Variants in UNC5A observed in about 807,000 individuals in gnomAD.
The protein encoded by UNC5A is unc-5 netrin receptor A.
In UNC5A, 20 loss-of-function variants were observed where a neutral mutation model predicts 87.4. The observed-to-expected ratio is 0.23, with a 90% CI of 0.16 to 0.33. The LOEUF (loss-of-function observed/expected upper bound fraction) is 0.33, where lower values mean the gene tolerates loss of function less well. Among genes scored for constraint, UNC5A ranks in the 10% least tolerant of loss-of-function variants. The pLI is 1.00. For missense variants in UNC5A, 844 were observed against 1,133.4 expected, an observed-to-expected ratio of 0.74 and a Z score of 3.67; for synonymous variants, 438 against 482.3, an observed-to-expected ratio of 0.91 and a Z score of 1.20.
In UNC5A at chr5:176,880,156, CTG is replaced by C. The variant is rs1341550289; in HGVS notation, c.*280_*281del. Reference sequence around the variant, plus strand: ...GGAGCCTGGGCCAGGCCCAGCCCATCTGTGTGTGTGTATGTGCGTGTGATGCT... The same window carrying C: ...GGAGCCTGGGCCAGGCCCAGCCCATCTGTGTGTGTATGTGCGTGTGATGCT... On this transcript the variant is annotated 3_prime_UTR_variant, in exon 15 of 15. Coordinates refer to ENST00000329542, the MANE Select transcript of UNC5A (RefSeq NM_133369.3). The C allele has an allele frequency of 1.1e-4, 51 of 480,510 alleles. No individual in the cohort carries two copies. Among genetic ancestry groups the C allele is most frequent in the Middle Eastern group, 5.7e-4 (1 of 1,754 alleles). The allele number at this position is 480,510 out of a possible 1,614,324, so 29.8% of individuals were successfully genotyped here.
intron 1 of UNC5A, among the ~76,000 whole-genome samples, chr5:176,840,338 AG>A (rs1183429504): frequency 2.6e-5 from 4 of 152,146 alleles, no homozygotes; most frequent in Middle Eastern, 3.4e-3. Flanking sequence ...GCCCGCTGTG[AG>A]GGTGCAGGGA....
intron 1 of UNC5A, among the ~76,000 whole-genome samples, chr5:176,820,391 C>G (rs181414715): frequency 6.2e-4 from 93 of 150,740 alleles, no homozygotes; most frequent in Admixed American, 1.6e-3. Context: ...AGTGAGACTC[C>G]GTCTCAAAAA....
Position 176,868,829 on chromosome 5 carries a change from C to T in UNC5A, c.586C>T (p.Pro196Ser). ...NEDLVDPSLD[P>S]NVYITREHSL... ...GGACCTGGTGGACCCGTCCCTGGAC[C>T]CCAATGTATACATCACGCGGGAGCA... is the stretch of plus-strand genomic sequence containing the variant. Residue 196 changes from proline to serine, a missense_variant, in exon 5 of 15, where the codon CCC becomes TCC. By Grantham distance (74) the Pro-to-Ser change is moderately conservative (BLOSUM62 -1). This residue lies in a region of UNC5A where 314 missense variants were observed against 466.5 expected (regional missense o/e 0.67). Coordinates refer to ENST00000329542, the MANE Select transcript of UNC5A (RefSeq NM_133369.3). The T allele has an allele frequency of 1.2e-6, 2 of 1,610,358 alleles. No homozygotes were observed. Among genetic ancestry groups the T allele is most frequent in the Non-Finnish European group, 1.7e-6 (2 of 1,177,820 alleles).
In UNC5A at chr5:176,841,662, C is replaced by G. The variant is rs1757279550; in HGVS notation, c.71-20962C>G. Among the ~76,000 whole-genome samples the G allele has an allele frequency of 6.6e-6, 1 of 152,152 alleles. No homozygotes were observed. Among genetic ancestry groups the G allele is most frequent in the African/African-American group, 2.4e-5 (1 of 41,406 alleles). Reference sequence around the variant, plus strand: ...ATTAAACATGTGCTTACCATATGCCCCAGCAATCCCTCTCTCTAGAGAAGT... The same window carrying G: ...ATTAAACATGTGCTTACCATATGCCGCAGCAATCCCTCTCTCTAGAGAAGT... On this transcript the variant is annotated intron_variant, in intron 1 of 14. Transcript: ENST00000329542. This position sits in a 1 kb window ranked among gnomAD's most constrained non-coding sequence, Gnocchi z 4.1.
intron 1 of UNC5A, 100 bp from the exon 2 acceptor site, chr5:176,862,524 C>G: frequency 9.0e-7 from 1 of 1,114,634 alleles, no homozygotes; most frequent in South Asian, 1.3e-5. Flanking sequence ...TCACTCTCCT[C>G]CCATCTGCCC....
At chr5:176,819,925 A>G (rs1330301122) in intron 1 of UNC5A, among the ~76,000 whole-genome samples, 2 of 152,238 alleles carry the variant, frequency 1.3e-5, no homozygotes, top group Non-Finnish European at 2.9e-5. Flanking sequence ...TCAGAAGTAA[A>G]GCGGGATCTG....
chr5:176,877,532 G>A lies in UNC5A; in HGVS notation c.1467-3G>A. ...CCTCCCCACCCATATTTCCCCACTT[G>A]AGGTTGCCCCTAGCTGGCTGTCAGA... On this transcript the variant is annotated splice_polypyrimidine_tract_variant and splice_region_variant and intron_variant, in intron 9 of 14. Transcript: ENST00000329542. The A allele has an allele frequency of 6.3e-6, 10 of 1,585,186 alleles. No homozygotes were observed. The highest frequency in any genetic ancestry group is 8.6e-6 in the Non-Finnish European group (10 of 1,162,176).
chr5:176,880,288 A>AT lies in UNC5A; in HGVS notation c.*403dup, dbSNP rs1325836111. 6.1e-6 allele frequency: 1 copy of AT among 163,834 alleles called. No homozygotes were observed. The highest frequency in any genetic ancestry group is 1.3e-5 in the Non-Finnish European group (1 of 75,594). 10.1% of individuals were successfully genotyped at this position (163,834 alleles called of 1,614,324 possible). On this transcript the variant is annotated 3_prime_UTR_variant, in exon 15 of 15. Coordinates refer to ENST00000329542, the MANE Select transcript of UNC5A (RefSeq NM_133369.3). ...AGAGCTCCTGCCTGAGCTGGACCTT[A>AT]TGCAAACATTTCTGTGCCTGCTGGG...
At chr5:176,818,426 G>C (rs1756647883) in intron 1 of UNC5A, among the ~76,000 whole-genome samples, 2 of 152,254 alleles carry the variant, frequency 1.3e-5, no homozygotes, top group Non-Finnish European at 2.9e-5. Flanking sequence ...GCGGGAAGAG[G>C]AGGAGCCCCT....
intron 1 of UNC5A, among the ~76,000 whole-genome samples, chr5:176,859,016 G>A (rs570528999): frequency 6.6e-6 from 1 of 152,340 alleles, no homozygotes; most frequent in East Asian, 1.9e-4. Context: ...GACTGCCCAG[G>A]AAGATTCCTG....
chr5:176,878,202 G>T, intron 11 of UNC5A, 42 bp from the exon 12 acceptor site: 1 of 1,603,552 alleles, frequency 6.2e-7, no homozygotes, highest in Non-Finnish European at 8.5e-7. Context: ...TGCCTTGGGC[G>T]CAGTGGGGAG....
chr5:176,880,006 G>T lies in UNC5A; in HGVS notation c.*120G>T. ...AGCTGCTCGGACAGGCCCCCTCCCG[G>T]CCGAAGCTGTCCCTTAATGCTGGTC... On this transcript the variant is annotated 3_prime_UTR_variant, in exon 15 of 15. Transcript: ENST00000329542. The T allele has an allele frequency of 7.5e-7, 1 of 1,329,298 alleles. No homozygotes were observed. The highest frequency in any genetic ancestry group is 2.6e-5 in the Admixed American group (1 of 38,548). The allele number at this position is 1,329,298 out of a possible 1,614,324, so 82.3% of individuals were successfully genotyped here.
In UNC5A at chr5:176,854,670, C is replaced by G. The variant is rs148214745; in HGVS notation, c.71-7954C>G. On this transcript the variant is annotated intron_variant, in intron 1 of 14. Transcript: ENST00000329542. ...TCCCAGCCAGATTTGAGTTTCCCTC[C>G]TCCACTTCTAGCCCTTCGTTCCTGG... Among the ~76,000 whole-genome samples the G allele has an allele frequency of 6.1e-3, 926 of 152,356 alleles. 11 individuals carry two copies. Among genetic ancestry groups the G allele is most frequent in the African/African-American group, 0.021 (871 of 41,578 alleles).
chr5:176,826,734 G>A (rs988944260), intron 1 of UNC5A, among the ~76,000 whole-genome samples: 8 of 149,118 alleles, frequency 5.4e-5, no homozygotes, highest in East Asian at 4.0e-4. Flanking sequence ...TCCATCTCCC[G>A]GGTTCACGCC....
In UNC5A at chr5:176,841,158, A is replaced by G. The variant is rs575765758; in HGVS notation, c.71-21466A>G. On this transcript the variant is annotated intron_variant, in intron 1 of 14. Transcript: ENST00000329542. This position sits in a 1 kb window ranked among gnomAD's most constrained non-coding sequence, Gnocchi z 4.1. ...TGTAAGGTCAGGGGGTCAGGACCAC[A>G]TGGTAATGATCACGAGCTAAAGTTG... is the stretch of plus-strand genomic sequence containing the variant. 5.1e-4 allele frequency among the ~76,000 whole-genome samples: 77 copies of G among 152,360 alleles called. 1 individual carries two copies. The Middle Eastern group carries it at 0.017, about 34-fold the overall frequency.
In UNC5A at chr5:176,874,216, G is replaced by T; in HGVS notation, c.1076-48G>T. On this transcript the variant is annotated intron_variant, in intron 7 of 14. Transcript: ENST00000329542. The surrounding 1 kb of genome is among the most constrained non-coding windows in gnomAD (Gnocchi z 7.6). ...AGCTCCCACGCCAAGGGCTGCTGGG[G>T]CAGGGATGCCCTAGGTGCCATTGCC... 6.3e-7 allele frequency: 1 copy of T among 1,594,674 alleles called. No homozygotes were observed. Among genetic ancestry groups the T allele is most frequent in the Non-Finnish European group, 8.6e-7 (1 of 1,168,174 alleles).
rs70991576 is a variant in UNC5A at position 176,829,881 on chromosome 5, C to CTTTT, written c.70+19069_70+19072dup. ...CCCTCTCACTTCCACATCACTGCTC[C>CTTTT]TTTTTTTTTTTGAGATGGAATCTTG... On this transcript the variant is annotated intron_variant, in intron 1 of 14. Coordinates refer to ENST00000329542, the MANE Select transcript of UNC5A (RefSeq NM_133369.3). 4.6e-5 allele frequency among the ~76,000 whole-genome samples: 4 copies of CTTTT among 87,320 alleles called. 1 individual carries two copies. The highest frequency in any genetic ancestry group is 5.1e-4 in the South Asian group (1 of 1,944). The allele number at this position is 87,320 out of a possible 152,430, so 57.3% of individuals were successfully genotyped here. A position where few individuals can be genotyped will look rare whatever the true frequency, so the allele number is the denominator to read the frequency against.
At chr5:176,819,611 AG>A (rs1756679960) in intron 1 of UNC5A, among the ~76,000 whole-genome samples, 1 of 152,150 alleles carries the variant, frequency 6.6e-6, no homozygotes. Context: ...CGCACGGGAT[AG>A]GGGAGAAGAG....
chr5:176,859,098 AGAATGTCCTTGCTAGAGGGCATGGCTG>A (rs1757755053), intron 1 of UNC5A, among the ~76,000 whole-genome samples: 1 of 143,402 alleles, frequency 7.0e-6, no homozygotes, highest in African/African-American at 2.9e-5. Context: ...CATAGCTGCT[AGAATGTCCTTGCTAGAGGGCATGGCTG>A]CTAGAATGCC....
Sources: allele counts gnomAD v4.1 joint callset (sites outside exome capture counted in the v4.1 genomes callset), GRCh38; gene constraint gnomAD v4.1.1; regional missense constraint gnomAD v4.1.1; non-coding constraint Gnocchi (gnomAD v3.1); transcripts MANE v1.5; gene names NCBI Gene and HGNC (gene_info 2026-07-23, HGNC 2026-07-21).